The following CORO2B variants were observed in gnomAD, a reference collection of about 807,000 sequenced individuals.
CORO2B encodes the protein coronin-2B.
Under a neutral mutation model 58.8 loss-of-function variants are expected in CORO2B, and 26 were observed. The ratio of observed to expected loss-of-function variants is 0.44; its 90% CI spans 0.32 to 0.61. CORO2B has a LOEUF of 0.61. Among genes scored for constraint, CORO2B ranks in the 20% least tolerant of loss-of-function variants. The probability of loss-of-function intolerance (pLI) is 0.04; values close to 1 mark genes in which losing one functional copy is unlikely to be tolerated. For missense variants in CORO2B, 460 were observed against 645.1 expected (o/e 0.71, Z 3.11); for synonymous variants, 242 against 253.8 (o/e 0.95, Z 0.44).
At chr15:68,716,246 G>A (rs1214084841) in intron 8 of CORO2B, among the ~76,000 whole-genome samples, 1 of 152,196 alleles carries the variant, frequency 6.6e-6, no homozygotes, top group Non-Finnish European at 1.5e-5. Context: ...CTGGACTTTG[G>A]AGTCAGACCT....
chr15:68,651,342 C>G (rs1178503566), intron 2 of CORO2B, among the ~76,000 whole-genome samples: 1 of 152,166 alleles, frequency 6.6e-6, no homozygotes, highest in East Asian at 1.9e-4. Flanking sequence ...GAGAGGGAGG[C>G]AGTCAGGCCC....
chr15:68,721,179 GC>G (rs1893150918), intron 11 of CORO2B, among the ~76,000 whole-genome samples: 2 of 75,766 alleles, frequency 2.6e-5, no homozygotes, highest in South Asian at 1.6e-3. Context: ...ACCACACCTG[GC>G]CCACTAATCA....
intron 1 of CORO2B, among the ~76,000 whole-genome samples, chr15:68,624,500 A>G (rs1900623182): frequency 6.6e-6 from 1 of 152,206 alleles, no homozygotes; most frequent in African/African-American, 2.4e-5. Context: ...TGTTTCCTCC[A>G]GCCTGGAACT....
At chr15:68,635,032 G>A (rs939416467) in intron 1 of CORO2B, among the ~76,000 whole-genome samples, 6 of 152,072 alleles carry the variant, frequency 3.9e-5, no homozygotes, top group Non-Finnish European at 7.4e-5. Context: ...AGTGGGGCCC[G>A]GGAGCCTGCA....
chr15:68,593,854 A>G (rs1899762346), intron 1 of CORO2B, among the ~76,000 whole-genome samples: 1 of 152,144 alleles, frequency 6.6e-6, no homozygotes, highest in Non-Finnish European at 1.5e-5. Context: ...GAGGTGGCAC[A>G]TGAGCCATCC....
chr15:68,600,437 A>G (rs1301165104), intron 1 of CORO2B, among the ~76,000 whole-genome samples: 1 of 152,056 alleles, frequency 6.6e-6, no homozygotes, highest in Non-Finnish European at 1.5e-5. Flanking sequence ...ACCAGCAGAC[A>G]AGCTCCTCCA....
chr15:68,632,331 A>G (rs2140261114), intron 1 of CORO2B: 1 of 985,114 alleles, frequency 1.0e-6, no homozygotes, highest in African/African-American at 1.7e-5. Flanking sequence ...GTCATCCAGG[A>G]GCCCCACCTG....
chr15:68,543,620 A>G, the CORO2B span, among the ~76,000 whole-genome samples: 2 of 152,172 alleles, frequency 1.3e-5, no homozygotes, highest in Non-Finnish European at 2.9e-5. Flanking sequence ...GGCAGAGTCC[A>G]TGATTCCCAT....
intron 11 of CORO2B, among the ~76,000 whole-genome samples, chr15:68,722,471 G>A (rs1567021109): frequency 6.6e-6 from 1 of 152,200 alleles, no homozygotes; most frequent in African/African-American, 2.4e-5. Context: ...AGCTTGATGC[G>A]AGGGAAAAGT....
intron 1 of CORO2B, among the ~76,000 whole-genome samples, chr15:68,630,617 TGCTTTAG>T (rs1305627913): frequency 1.3e-5 from 2 of 152,182 alleles, no homozygotes; most frequent in African/African-American, 4.8e-5. Context: ...TCAGTTGGAA[TGCTTTAG>T]GCTGCGAGTA....
Position 68,616,614 on chromosome 15 carries a change from G to C in CORO2B, c.16-28546G>C, listed in dbSNP as rs550053592. 41 of 985,340 alleles carry C rather than the reference G, an allele frequency of 4.2e-5. No homozygotes were observed. In the African/African-American group the frequency reaches 6.6e-4, roughly 16 times the overall value. 61.0% of individuals were successfully genotyped at this position (985,340 alleles called of 1,614,324 possible). The stretch of plus-strand genomic sequence containing the variant: ...CCGCGGTCGAATGATTCTGACAAGC[G>C]GTGAGTACGGCTGTGTCAGCGCGTG... On this transcript the variant is annotated intron_variant, in intron 1 of 11. Transcript: ENST00000261861.
intron 1 of CORO2B, among the ~76,000 whole-genome samples, chr15:68,635,682 A>G (rs760221036): frequency 6.6e-6 from 1 of 152,142 alleles, no homozygotes; most frequent in Non-Finnish European, 1.5e-5. Flanking sequence ...GACCACATGG[A>G]GGAAAAGTTG....
At chr15:68,540,173 T>A in the CORO2B span, among the ~76,000 whole-genome samples, 1 of 152,256 alleles carries the variant, frequency 6.6e-6, no homozygotes, top group African/African-American at 2.4e-5. Context: ...TGCCTGTGCA[T>A]GATTTTGAAA....
the CORO2B span, among the ~76,000 whole-genome samples, chr15:68,547,719 A>G: frequency 6.6e-6 from 1 of 152,202 alleles, no homozygotes; most frequent in Non-Finnish European, 1.5e-5. Context: ...CTCTCCCCAA[A>G]GACAATTAGC....
intron 2 of CORO2B, among the ~76,000 whole-genome samples, chr15:68,670,654 CAT>C (rs1269914724): frequency 1.3e-5 from 2 of 152,158 alleles, no homozygotes; most frequent in Admixed American, 1.3e-4. Context: ...TTGAGGACCT[CAT>C]AGAATCAGAA....
At chr15:68,593,527 T>C (rs2140234655) in intron 1 of CORO2B, among the ~76,000 whole-genome samples, 1 of 152,302 alleles carries the variant, frequency 6.6e-6, no homozygotes, top group Admixed American at 6.5e-5. Flanking sequence ...AGCCTCGTTC[T>C]CTAGACACTT....
At chr15:68,627,604 G>A (rs1900719269) in intron 1 of CORO2B, among the ~76,000 whole-genome samples, 1 of 152,182 alleles carries the variant, frequency 6.6e-6, no homozygotes, top group Non-Finnish European at 1.5e-5. Flanking sequence ...AGGAGACTCT[G>A]CATCATGGTT....
chr15:68,597,575 A>G (rs1289613143), intron 1 of CORO2B, among the ~76,000 whole-genome samples: 1 of 151,942 alleles, frequency 6.6e-6, no homozygotes, highest in African/African-American at 2.4e-5. Context: ...TGGCCTCTCA[A>G]AAGCATTGCA....
chr15:68,662,543 CAA>C (rs765669753), intron 2 of CORO2B, among the ~76,000 whole-genome samples: 13 of 152,210 alleles, frequency 8.5e-5, no homozygotes, highest in Non-Finnish European at 1.6e-4. Context: ...TCAAGAACCT[CAA>C]GAGATCACTT....
Sources: gnomAD v4.1 joint callset for allele counts (sites outside exome capture counted in the v4.1 genomes callset) on GRCh38, gnomAD v4.1.1 for gene constraint, MANE v1.5 for transcripts, NCBI Gene and HGNC (gene_info 2026-07-23, HGNC 2026-07-21) for gene names.